Variants in RAPGEF6 observed in about 807,000 individuals in gnomAD.
RAPGEF6 encodes the protein PDZ domain containing guanine nucleotide exchange factor (GEF) 2.
Under a neutral mutation model 171.4 loss-of-function variants are expected in RAPGEF6, and 56 were observed. The ratio of observed to expected loss-of-function variants is 0.33; its 90% CI spans 0.26 to 0.41. The LOEUF (loss-of-function observed/expected upper bound fraction) is 0.41. Among genes scored for constraint, RAPGEF6 ranks in the 10% least tolerant of loss-of-function variants. The pLI is 1.00. For synonymous variants in RAPGEF6, 692 were observed against 650.1 expected (o/e 1.06, Z -0.98); for missense variants, 1,674 against 1,921.4 (o/e 0.87, Z 2.41).
intron 7 of RAPGEF6, among the ~76,000 whole-genome samples, chr5:131,517,195 G>A (rs531417436): frequency 2.0e-5 from 3 of 152,176 alleles, no homozygotes; most frequent in South Asian, 2.1e-4. Context: ...GGGATCATTC[G>A]AACCCCAAAC....
In RAPGEF6 at chr5:131,495,569, T is replaced by C; in HGVS notation, c.1511A>G (p.Lys504Arg). The C allele has an allele frequency of 6.2e-7, 1 of 1,613,752 alleles. No individual in the cohort carries two copies. The highest frequency in any genetic ancestry group is 2.2e-5 in the East Asian group (1 of 44,852). The change falls in exon 13 of 28, where the codon AAA becomes AGA. Residue 504 changes from lysine to arginine, a missense_variant. Physicochemically the swap from Lys to Arg is conservative, Grantham distance 26. Around this residue, in one of 3 missense-constraint regions of RAPGEF6, gnomAD observed 1,116 missense variants for 1,321.5 expected, o/e 0.84. Coordinates refer to ENST00000509018, the MANE Select transcript of RAPGEF6 (RefSeq NM_016340.6). ...GAGCCTTACTGTATCTTCCAGATTT[T>C]TTTCAAATTCCTCTAGAAATCGAGT... Reference protein sequence around the residue: ...AMTRFLEEFEKNLEDTKMNGH... With the variant: ...AMTRFLEEFERNLEDTKMNGH...
intron 4 of RAPGEF6, among the ~76,000 whole-genome samples, chr5:131,578,140 T>A (rs989694154): frequency 3.3e-5 from 5 of 152,166 alleles, no homozygotes; most frequent in African/African-American, 1.2e-4. Context: ...GGATAGAAGA[T>A]CTTCAGTGGC....
intron 21 of RAPGEF6, 41 bp from the exon 22 acceptor site, chr5:131,446,744 G>T: frequency 6.5e-7 from 1 of 1,534,788 alleles, no homozygotes; most frequent in South Asian, 1.1e-5. Context: ...CTATAGAGAT[G>T]AGAACTAAGC....
At chr5:131,468,812 G>A (rs184129893) in intron 17 of RAPGEF6, among the ~76,000 whole-genome samples, 66 of 152,072 alleles carry the variant, frequency 4.3e-4, no homozygotes, top group Non-Finnish European at 6.8e-4. Context: ...AGCAAAAAGC[G>A]CCACACAAAA....
At position 131,439,742 on chromosome 5, in the gene RAPGEF6, A is replaced by T. The variant is rs746245582; in HGVS notation, c.3611-27T>A. ...TAAAAATAAAACCAAAGATGCAAAT[A>T]AGCATCGTTTCACAATTAAAATGTC... On this transcript the variant is annotated intron_variant, in intron 23 of 27. Coordinates refer to ENST00000509018, the MANE Select transcript of RAPGEF6 (RefSeq NM_016340.6). The T allele has an allele frequency of 3.1e-6, 5 of 1,605,696 alleles. No individual in the cohort carries two copies. In the African/African-American group the frequency reaches 6.7e-5, roughly 22 times the overall value.
chr5:131,512,311 G>C (rs572567303), intron 7 of RAPGEF6, among the ~76,000 whole-genome samples: 1 of 152,178 alleles, frequency 6.6e-6, no homozygotes, highest in East Asian at 1.9e-4. Flanking sequence ...CCTGAGGCTA[G>C]AGTTGCCTCT....
At chr5:131,505,795 C>G (rs961061262) in intron 9 of RAPGEF6, among the ~76,000 whole-genome samples, 1 of 152,156 alleles carries the variant, frequency 6.6e-6, no homozygotes, top group African/African-American at 2.4e-5. Context: ...AGCACAAACT[C>G]TTGGAATATT....
intron 3 of RAPGEF6, among the ~76,000 whole-genome samples, chr5:131,596,822 T>C (rs1763932483): frequency 6.6e-6 from 1 of 152,176 alleles, no homozygotes; most frequent in Non-Finnish European, 1.5e-5. Context: ...TATACAACAC[T>C]GTGCTAGGCA....
chr5:131,569,618 CTG>C (rs1180798913), intron 4 of RAPGEF6, among the ~76,000 whole-genome samples: 1 of 152,088 alleles, frequency 6.6e-6, no homozygotes, highest in African/African-American at 2.4e-5. Context: ...TTAGAAAAAA[CTG>C]TAAGATGAAA....
At chr5:131,502,856 T>C (rs1187941934) in intron 11 of RAPGEF6, among the ~76,000 whole-genome samples, 1 of 152,212 alleles carries the variant, frequency 6.6e-6, no homozygotes, top group Non-Finnish European at 1.5e-5. Flanking sequence ...TGGAGTGCAA[T>C]GGTGTGATCT....
At chr5:131,538,171 T>C (rs537476326) in intron 6 of RAPGEF6, among the ~76,000 whole-genome samples, 1 of 152,328 alleles carries the variant, frequency 6.6e-6, no homozygotes, top group Admixed American at 6.5e-5. Flanking sequence ...CTATCTACAC[T>C]GCATTTACAC....
chr5:131,471,301 G>T (rs181253892), intron 17 of RAPGEF6, among the ~76,000 whole-genome samples: 44 of 152,290 alleles, frequency 2.9e-4, no homozygotes, highest in African/African-American at 9.4e-4. Context: ...TCGCTCTAGT[G>T]GTTAAGTGGC....
At chr5:131,517,118 G>C (rs1196705508) in intron 7 of RAPGEF6, among the ~76,000 whole-genome samples, 2 of 152,190 alleles carry the variant, frequency 1.3e-5, no homozygotes, top group Admixed American at 6.5e-5. Context: ...GGGTCTATTA[G>C]GGCAGGGAGA....
At chr5:131,563,476 T>C (rs2149969637) in intron 4 of RAPGEF6, among the ~76,000 whole-genome samples, 1 of 152,178 alleles carries the variant, frequency 6.6e-6, no homozygotes, top group South Asian at 2.1e-4. Flanking sequence ...CCAAACAAAA[T>C]AACTTTTGAA....
At position 131,498,533 on chromosome 5, in the gene RAPGEF6, A is replaced by C. The variant is rs767936675; in HGVS notation, c.1329T>G (p.Phe443Leu). 4 of 1,613,836 alleles carry C rather than the reference A, an allele frequency of 2.5e-6. No individual in the cohort carries two copies. The highest frequency in any genetic ancestry group is 2.5e-6 in the Non-Finnish European group (3 of 1,179,866). ...SIVDPTYIED[F>L]LLTYRTFLES... ...CAAGAAATGTCCTGTAAGTTAATAG[A>C]AAATCTTCTATATAAGTTGGATCCA... Residue 443 changes from phenylalanine (F) to leucine (L), a missense_variant, in exon 12 of 28, where the codon TTT (phenylalanine) becomes TTG (leucine). Transcript: ENST00000509018.
chr5:131,528,336 TATACAC>T (rs1198598828), intron 6 of RAPGEF6, among the ~76,000 whole-genome samples: 541 of 24,494 alleles, frequency 0.022, 38 homozygotes, highest in South Asian at 0.066. Flanking sequence ...TATATATATA[TATACAC>T]ACACACACAC....
chr5:131,537,027 T>C (rs1299648393), intron 6 of RAPGEF6, among the ~76,000 whole-genome samples: 1 of 152,128 alleles, frequency 6.6e-6, no homozygotes, highest in Non-Finnish European at 1.5e-5. Context: ...AATAAACACA[T>C]ACCAAATCAA....
chr5:131,502,200 A>G (rs1393369814), intron 11 of RAPGEF6, among the ~76,000 whole-genome samples: 3 of 152,248 alleles, frequency 2.0e-5, no homozygotes, highest in African/African-American at 7.2e-5. Context: ...AAGACAAGAC[A>G]GTTCATTCCT....
chr5:131,614,148 G>T (rs1018462461), intron 1 of RAPGEF6, among the ~76,000 whole-genome samples: 1 of 151,932 alleles, frequency 6.6e-6, no homozygotes, highest in Admixed American at 6.6e-5. Context: ...TGAGCGTGGT[G>T]GCAGGTGCCT....
Sources: gnomAD v4.1 joint callset for allele counts (sites outside exome capture counted in the v4.1 genomes callset) on GRCh38, gnomAD v4.1.1 for gene constraint, gnomAD v4.1.1 regional missense constraint, MANE v1.5 for transcripts, NCBI Gene and HGNC (gene_info 2026-07-23, HGNC 2026-07-21) for gene names.